Variants in LARGE1 observed in about 807,000 individuals in gnomAD.
LARGE1 encodes LARGE xylosyl- and glucuronyltransferase 1.
In LARGE1, 43 loss-of-function variants were observed where a neutral mutation model predicts 87.6. The observed-to-expected ratio is 0.49, with a 90% CI of 0.38 to 0.63. The LOEUF (loss-of-function observed/expected upper bound fraction) is 0.63. LARGE1 is among the 30% of genes least tolerant of loss of function. The pLI is 0.00. For missense variants in LARGE1, 802 were observed against 1,000.2 expected, an observed-to-expected ratio of 0.80 and a Z score of 2.67; for synonymous variants, 434 against 394.6, an observed-to-expected ratio of 1.10 and a Z score of -1.18.
intron 9 of LARGE1, among the ~76,000 whole-genome samples, chr22:33,348,729 GCTCA>G (rs1466930525): frequency 1.3e-5 from 2 of 150,934 alleles, no homozygotes; most frequent in African/African-American, 2.4e-5. Context: ...TTTTTTTTTG[GCTCA>G]CTATTTGAGC....
intron 3 of LARGE1, among the ~76,000 whole-genome samples, chr22:33,634,473 G>A (rs2080207293): frequency 6.6e-6 from 1 of 152,088 alleles, no homozygotes; most frequent in African/African-American, 2.4e-5. Flanking sequence ...AGAGTACGAG[G>A]GCGTGCAAAT....
At chr22:33,489,026 T>C (rs1001223278) in intron 6 of LARGE1, among the ~76,000 whole-genome samples, 2 of 152,220 alleles carry the variant, frequency 1.3e-5, no homozygotes, top group East Asian at 1.9e-4. Context: ...CCACCAGCAG[T>C]AGTCTCATTT....
chr22:33,865,571 G>T (rs2064068563), intron 1 of LARGE1, among the ~76,000 whole-genome samples: 1 of 152,170 alleles, frequency 6.6e-6, no homozygotes, highest in African/African-American at 2.4e-5. Flanking sequence ...TGAACAATGA[G>T]ATCCTTTCCA....
At chr22:33,789,212 G>A (rs747789892) in intron 1 of LARGE1, among the ~76,000 whole-genome samples, 3 of 152,212 alleles carry the variant, frequency 2.0e-5, no homozygotes, top group Non-Finnish European at 4.4e-5. Context: ...AGCCAACATA[G>A]AGCTCAGGCC....
At chr22:33,315,742 G>A (rs1323331913) in intron 11 of LARGE1, among the ~76,000 whole-genome samples, 3 of 152,016 alleles carry the variant, frequency 2.0e-5, no homozygotes, top group African/African-American at 4.8e-5. Flanking sequence ...CCATTCTCCT[G>A]CCTCAGCCTC....
At chr22:33,539,316 G>C (rs2077125249) in intron 6 of LARGE1, among the ~76,000 whole-genome samples, 1 of 151,720 alleles carries the variant, frequency 6.6e-6, no homozygotes, top group African/African-American at 2.4e-5. Context: ...TAAAAGAACT[G>C]GTAAATAAAT....
intron 2 of LARGE1, among the ~76,000 whole-genome samples, chr22:33,759,885 A>T (rs530765151): frequency 5.9e-5 from 9 of 152,096 alleles, no homozygotes; most frequent in African/African-American, 2.2e-4. Context: ...ACCTGCTTAG[A>T]TGAAGGTTCT....
intron 1 of LARGE1, among the ~76,000 whole-genome samples, chr22:33,785,243 G>GTATATATACATATA (rs1481393840): frequency 6.6e-5 from 10 of 151,284 alleles, no homozygotes; most frequent in African/African-American, 2.4e-4. Context: ...ACATACATAT[G>GTATATATACATATA]TGTATATATG....
At chr22:33,722,081 G>A (rs1417465888) in intron 2 of LARGE1, among the ~76,000 whole-genome samples, 2 of 151,994 alleles carry the variant, frequency 1.3e-5, no homozygotes, top group African/African-American at 2.4e-5. Context: ...GTGAAACCCC[G>A]TCTCTACTAA....
At chr22:33,471,034 T>C (rs2068817041) in intron 6 of LARGE1, among the ~76,000 whole-genome samples, 1 of 149,176 alleles carries the variant, frequency 6.7e-6, no homozygotes, top group Non-Finnish European at 1.5e-5. Context: ...TTCTTCTTTT[T>C]TTTTTTTTTT....
intron 9 of LARGE1, among the ~76,000 whole-genome samples, chr22:33,368,995 TG>T: frequency 6.6e-6 from 1 of 152,150 alleles, no homozygotes; most frequent in East Asian, 1.9e-4. Flanking sequence ...AAGGTTGGGG[TG>T]GTTGTGGCCA....
At chr22:33,777,661 A>AGGGGAC in intron 1 of LARGE1, among the ~76,000 whole-genome samples, 1 of 8,542 alleles carries the variant, frequency 1.2e-4, no homozygotes, top group African/African-American at 6.0e-4. Flanking sequence ...GGGGAGGGGG[A>AGGGGAC]GGGGAAGGGG....
chr22:33,296,569 C>CTT lies in LARGE1; in HGVS notation c.1730+7658_1730+7659dup, dbSNP rs66851772. Among the ~76,000 whole-genome samples the CTT allele has an allele frequency of 5.6e-4, 75 of 133,910 alleles. 2 individuals carry two copies. Among genetic ancestry groups the CTT allele is most frequent in the African/African-American group, 1.0e-3 (37 of 35,420 alleles). 87.9% of individuals were successfully genotyped at this position (133,910 alleles called of 152,430 possible). ...AGTTATCCTTTTTCTTTTTTCTTTTCTTTTTTTTTTTTTTTTGAGATGGAG... is the reference window on the plus strand; with the variant it reads ...AGTTATCCTTTTTCTTTTTTCTTTTCTTTTTTTTTTTTTTTTTTGAGATGGAG... On this transcript the variant is annotated intron_variant, in intron 12 of 14. Coordinates refer to ENST00000397394, the MANE Select transcript of LARGE1 (RefSeq NM_133642.5).
chr22:33,401,512 C>G (rs567872569), intron 7 of LARGE1, among the ~76,000 whole-genome samples: 22 of 152,266 alleles, frequency 1.4e-4, no homozygotes, highest in African/African-American at 5.1e-4. Flanking sequence ...TGCCAACCAG[C>G]CAGTCAGCAG....
intron 6 of LARGE1, among the ~76,000 whole-genome samples, chr22:33,528,127 G>A (rs2072003635): frequency 1.3e-5 from 2 of 149,222 alleles, no homozygotes; most frequent in Non-Finnish European, 3.0e-5. Context: ...TTCTGGCAGA[G>A]GTCGGGGGGG....
intron 9 of LARGE1, among the ~76,000 whole-genome samples, chr22:33,368,159 A>G (rs368767859): frequency 1.3e-5 from 2 of 152,216 alleles, no homozygotes; most frequent in Admixed American, 6.5e-5. Context: ...TATTTGCCCA[A>G]TAAGTCAACA....
chr22:33,447,701 G>T (rs2067740055), intron 6 of LARGE1, among the ~76,000 whole-genome samples: 1 of 152,206 alleles, frequency 6.6e-6, no homozygotes, highest in African/African-American at 2.4e-5. Flanking sequence ...AAGAAGAAGT[G>T]CTTCTGGGCG....
chr22:33,655,028 T>A (rs183838010), intron 2 of LARGE1, among the ~76,000 whole-genome samples: 2 of 152,370 alleles, frequency 1.3e-5, no homozygotes, highest in Admixed American at 1.3e-4. Context: ...TTGCTCTAGA[T>A]GTTTCTAAAA....
chr22:33,126,351 G>A, the LARGE1 span, among the ~76,000 whole-genome samples: 5 of 152,208 alleles, frequency 3.3e-5, no homozygotes, highest in African/African-American at 1.2e-4. Context: ...GTATGATGAA[G>A]AGTCACTCTC....
Sources: allele counts gnomAD v4.1 joint callset (sites outside exome capture counted in the v4.1 genomes callset), GRCh38; gene constraint gnomAD v4.1.1; transcripts MANE v1.5; gene names NCBI Gene and HGNC (gene_info 2026-07-23, HGNC 2026-07-21).